FNBP4: variants seen among roughly 807,000 people sequenced by gnomAD.
FNBP4 encodes the protein formin binding protein 4, also known as formin-binding protein 4.
FNBP4 carries 34 observed loss-of-function variants against 119.3 expected under a neutral mutation model. That is an observed-to-expected ratio of 0.28 (90% CI 0.22 to 0.38). FNBP4 has a LOEUF of 0.38. Among genes scored for constraint, FNBP4 ranks in the 10% least tolerant of loss-of-function variants. The pLI is 1.00. For synonymous variants in FNBP4, 462 were observed against 430.6 expected (o/e 1.07, Z -0.90); for missense variants, 1,112 against 1,228.9 (o/e 0.90, Z 1.42).
chr11:47,735,200 T>G (rs185086281), intron 9 of FNBP4, among the ~76,000 whole-genome samples: 7 of 152,136 alleles, frequency 4.6e-5, no homozygotes, highest in African/African-American at 1.4e-4. Flanking sequence ...ATGCAAGATA[T>G]ATGTATAGTC....
chr11:47,754,958 A>G (rs1309533784), intron 2 of FNBP4, among the ~76,000 whole-genome samples: 2 of 151,344 alleles, frequency 1.3e-5, no homozygotes, highest in African/African-American at 2.4e-5. Flanking sequence ...CCTGGGCAAC[A>G]TGGTGAAACC....
chr11:47,745,999 T>C lies in FNBP4; in HGVS notation c.1245+57A>G. ...AATGGTTGTAAGTCAAGCACAATGA[T>C]CCCTGTAGAGTAGTACTGAGGAAAA... On this transcript the variant is annotated intron_variant, in intron 7 of 16. Coordinates refer to ENST00000263773, the MANE Select transcript of FNBP4 (RefSeq NM_015308.5). 2.9e-6 allele frequency: 4 copies of C among 1,357,502 alleles called. No individual in the cohort carries two copies. In the South Asian group the frequency reaches 5.7e-5, roughly 19 times the overall value. The allele number at this position is 1,357,502 out of a possible 1,614,324, so 84.1% of individuals were successfully genotyped here.
chr11:47,721,701 A>T (rs75937423), intron 15 of FNBP4, among the ~76,000 whole-genome samples: 1 of 152,082 alleles, frequency 6.6e-6, no homozygotes, highest in Non-Finnish European at 1.5e-5. Context: ...TAAATCGTCT[A>T]TAATAAACAT....
chr11:47,732,184 A>C lies in FNBP4; in HGVS notation c.1820+353T>G, dbSNP rs2097568208. 7 of 1,034,708 alleles carry C rather than the reference A, an allele frequency of 6.8e-6. No individual in the cohort carries two copies. Among genetic ancestry groups the C allele is most frequent in the Non-Finnish European group, 8.1e-6 (7 of 862,350 alleles). The allele number at this position is 1,034,708 out of a possible 1,614,324, so 64.1% of individuals were successfully genotyped here. On this transcript the variant is annotated intron_variant, in intron 11 of 16. Coordinates refer to ENST00000263773, the MANE Select transcript of FNBP4 (RefSeq NM_015308.5). This position sits in a 1 kb window ranked among gnomAD's most constrained non-coding sequence, Gnocchi z 4.2. ...CAGCCACGAAGTTTTCCTTAACTTC[A>C]CCGAGGTTAATCAGGAGTAGTTGCT...
At chr11:47,755,635 CAAA>C (rs11341984) in intron 2 of FNBP4, among the ~76,000 whole-genome samples, 3 of 128,704 alleles carry the variant, frequency 2.3e-5, no homozygotes, top group African/African-American at 2.8e-5. Context: ...AAAACAAAAA[CAAA>C]AAAAAAAAAA....
chr11:47,741,588 C>A (rs1412130830), intron 8 of FNBP4, among the ~76,000 whole-genome samples: 1 of 151,516 alleles, frequency 6.6e-6, no homozygotes, highest in African/African-American at 2.4e-5. Flanking sequence ...GAGGCTGAGG[C>A]GGGTGGATCA....
chr11:47,750,979 C>T lies in FNBP4; in HGVS notation c.843G>A (p.Glu281=), dbSNP rs1449008913. The T allele has an allele frequency of 3.1e-6, 5 of 1,613,880 alleles. No homozygotes were observed. Among genetic ancestry groups the T allele is most frequent in the Non-Finnish European group, 4.2e-6 (5 of 1,179,980 alleles). The change falls in exon 6 of 17, where the codon GAG becomes GAA. Residue 281 remains glutamate, a synonymous_variant. Coordinates refer to ENST00000263773, the MANE Select transcript of FNBP4 (RefSeq NM_015308.5). ...FVVNTDIYSK[E]KTISVSSSKS... is the part of the protein sequence containing the mutation. Reference sequence around the variant, plus strand: ...TACTACTGGAAACAGAAATCGTTTTCTCCTTAGAATATATGTCTGTATTTA... The same window carrying T: ...TACTACTGGAAACAGAAATCGTTTTTTCCTTAGAATATATGTCTGTATTTA...
In FNBP4 at chr11:47,767,112, G is replaced by T; in HGVS notation, c.177C>A (p.Thr59=). The T allele has an allele frequency of 1.9e-6, 1 of 515,296 alleles. No individual in the cohort carries two copies. The highest frequency in any genetic ancestry group is 2.9e-6 in the Non-Finnish European group (1 of 345,926). 31.9% of individuals were successfully genotyped at this position (515,296 alleles called of 1,614,324 possible). ...CCGAGGCCGCGGCGGCAGTCACCGC[G>T]GTGGTGGTGGTCGTCGCCGCCGACG... The part of the protein sequence containing the change: ...PAPSAATTTT[T]AVTAAAASDD... Residue 59 remains threonine, a synonymous_variant, in exon 1 of 17, where the codon ACC becomes ACA. Coordinates refer to ENST00000263773, the MANE Select transcript of FNBP4 (RefSeq NM_015308.5).
In FNBP4 at chr11:47,732,216, G is replaced by A. The variant is rs562647583; in HGVS notation, c.1820+321C>T. 4.6e-6 allele frequency: 5 copies of A among 1,083,152 alleles called. No individual in the cohort carries two copies. In the East Asian group the frequency reaches 2.6e-4, roughly 55 times the overall value. The allele number at this position is 1,083,152 out of a possible 1,614,324, so 67.1% of individuals were successfully genotyped here. A position where few individuals can be genotyped will look rare whatever the true frequency, so the allele number is the denominator to read the frequency against. On this transcript the variant is annotated intron_variant, in intron 11 of 16. Transcript: ENST00000263773. This position sits in a 1 kb window ranked among gnomAD's most constrained non-coding sequence, Gnocchi z 4.2. ...TTAATCAGGAGTAGTTGCTTCCAGA[G>A]GTCCTGTAAAGCGCACAGAGCTCTC... is the stretch of plus-strand genomic sequence containing the variant.
Position 47,753,054 on chromosome 11 carries a change from A to C in FNBP4, c.499T>G (p.Ser167Ala), listed in dbSNP as rs2097607466. 1 of 1,614,064 alleles carries C rather than the reference A, an allele frequency of 6.2e-7. No homozygotes were observed. The highest frequency in any genetic ancestry group is 1.1e-5 in the South Asian group (1 of 91,072). ...CGAGGTGGAGTTGGAGGTGGAGCAGAAGCTCCTACAGGAGCTGCAGGCTGA... is the reference window on the plus strand; with the variant it reads ...CGAGGTGGAGTTGGAGGTGGAGCAGCAGCTCCTACAGGAGCTGCAGGCTGA... ...APQPAAPVGA[S>A]APPPTPPRPE... Residue 167 changes from serine (S) to alanine (A), a missense_variant, in exon 4 of 17, where the codon TCT (serine) becomes GCT (alanine). Physicochemically the swap from Ser to Ala is moderately conservative, Grantham distance 99. Transcript: ENST00000263773.
intron 15 of FNBP4, among the ~76,000 whole-genome samples, chr11:47,721,066 C>T (rs1365479707): frequency 2.0e-5 from 3 of 151,858 alleles, no homozygotes; most frequent in African/African-American, 4.8e-5. Flanking sequence ...ATGGCTCATG[C>T]CTGTAATCAC....
At chr11:47,738,534 C>T (rs1689089327) in intron 8 of FNBP4, among the ~76,000 whole-genome samples, 1 of 152,084 alleles carries the variant, frequency 6.6e-6, no homozygotes, top group Admixed American at 6.6e-5. Context: ...CATTGCAGTC[C>T]AGTCTGGGCA....
intron 2 of FNBP4, among the ~76,000 whole-genome samples, chr11:47,760,867 T>C (rs1488418583): frequency 2.0e-5 from 3 of 152,174 alleles, no homozygotes; most frequent in Non-Finnish European, 4.4e-5. Context: ...CTAGATTCCA[T>C]ATATCTTAAG....
chr11:47,760,436 GTT>G (rs111640171), intron 2 of FNBP4, among the ~76,000 whole-genome samples: 31 of 132,416 alleles, frequency 2.3e-4, no homozygotes, highest in African/African-American at 4.7e-4. Flanking sequence ...GTATTTTTTT[GTT>G]TTTTTTTTTT....
chr11:47,731,616 C>T (rs2097567583), intron 11 of FNBP4, 55 bp from the exon 12 acceptor site: 2 of 1,554,462 alleles, frequency 1.3e-6, no homozygotes, highest in Non-Finnish European at 1.7e-6. Flanking sequence ...TACAAAGACA[C>T]TTCCATTTGG....
intron 15 of FNBP4, among the ~76,000 whole-genome samples, chr11:47,722,306 T>C (rs1226970127): frequency 6.6e-6 from 1 of 151,784 alleles, no homozygotes; most frequent in African/African-American, 2.4e-5. Flanking sequence ...TGGAATGCAG[T>C]GGTGCGATCT....
chr11:47,743,494 A>G (rs1361004938), intron 8 of FNBP4, among the ~76,000 whole-genome samples: 2 of 152,150 alleles, frequency 1.3e-5, no homozygotes, highest in Non-Finnish European at 2.9e-5. Context: ...AAAAAGGAAA[A>G]GAAAAAAAAA....
At chr11:47,728,487 T>C (rs2097563705) in intron 12 of FNBP4, among the ~76,000 whole-genome samples, 2 of 151,786 alleles carry the variant, frequency 1.3e-5, no homozygotes, top group East Asian at 3.9e-4. Context: ...TCAAGTGATC[T>C]GCGCGCCTTG....
intron 16 of FNBP4, among the ~76,000 whole-genome samples, chr11:47,718,973 T>C (rs558142840): frequency 1.3e-5 from 2 of 150,242 alleles, no homozygotes; most frequent in South Asian, 4.2e-4. Context: ...TAGCACGGTC[T>C]TGGCTCACTG....
Sources: gnomAD v4.1 joint callset for allele counts (sites outside exome capture counted in the v4.1 genomes callset) on GRCh38, gnomAD v4.1.1 for gene constraint, Gnocchi (gnomAD v3.1) non-coding constraint, MANE v1.5 for transcripts, NCBI Gene and HGNC (gene_info 2026-07-23, HGNC 2026-07-21) for gene names.